TRDN: variants seen among roughly 807,000 people sequenced by gnomAD.
TRDN encodes the protein triadin.
In TRDN, 161 loss-of-function variants were observed where a neutral mutation model predicts 149.7. The ratio of observed to expected loss-of-function variants is 1.08; its 90% CI spans 0.95 to 1.23. The LOEUF (loss-of-function observed/expected upper bound fraction) is 1.23, where lower values mean the gene tolerates loss of function less well. Ranked by LOEUF, TRDN falls within the 50% of genes most tolerant of loss-of-function variation. TRDN has a pLI of 0.00. For missense variants in TRDN, 896 were observed against 823.5 expected (o/e 1.09, Z -1.08); for synonymous variants, 294 against 250.5 (o/e 1.17, Z -1.64).
chr6:123,255,215 T>G lies in TRDN; in HGVS notation c.1907-90A>C, dbSNP rs1165576108. The G allele has an allele frequency of 1.1e-5, 6 of 555,366 alleles. No homozygotes were observed. In the East Asian group the frequency reaches 2.1e-4, roughly 19 times the overall value. The allele number at this position is 555,366 out of a possible 1,614,324, so 34.4% of individuals were successfully genotyped here. A position where few individuals can be genotyped will look rare whatever the true frequency, so the allele number is the denominator to read the frequency against. Reference sequence around the variant, plus strand: ...TCTCACATCAACGAATGAGGATAATTTAAGTGTTATAAATATTTTCTCAAG... The same window carrying G: ...TCTCACATCAACGAATGAGGATAATGTAAGTGTTATAAATATTTTCTCAAG... On this transcript the variant is annotated intron_variant, in intron 36 of 40. Coordinates refer to ENST00000334268, the MANE Select transcript of TRDN (RefSeq NM_006073.4).
intron 12 of TRDN, among the ~76,000 whole-genome samples, chr6:123,424,613 A>T (rs1774041255): frequency 6.6e-6 from 1 of 152,294 alleles, no homozygotes; most frequent in South Asian, 2.1e-4. Flanking sequence ...TGAAATCTAA[A>T]TGCTGAAACC....
At chr6:123,340,795 A>G (rs1019704386) in intron 21 of TRDN, among the ~76,000 whole-genome samples, 1 of 152,034 alleles carries the variant, frequency 6.6e-6, no homozygotes, top group Non-Finnish European at 1.5e-5. Context: ...AAGTGAAACG[A>G]TATCTGATAA....
intron 29 of TRDN, among the ~76,000 whole-genome samples, chr6:123,272,717 T>C (rs1013568667): frequency 2.0e-5 from 3 of 151,930 alleles, no homozygotes; most frequent in African/African-American, 7.2e-5. Flanking sequence ...TGGGTGACTA[T>C]GGTTTTTGTG....
At chr6:123,284,087 C>CT (rs1002044626) in intron 24 of TRDN, among the ~76,000 whole-genome samples, 1 of 130,654 alleles carries the variant, frequency 7.7e-6, no homozygotes, top group African/African-American at 2.9e-5. Flanking sequence ...CTCTTGCCCC[C>CT]CCCCCAAAAA....
At chr6:123,413,896 C>G (rs2114520809) in intron 12 of TRDN, among the ~76,000 whole-genome samples, 1 of 152,142 alleles carries the variant, frequency 6.6e-6, no homozygotes, top group South Asian at 2.1e-4. Flanking sequence ...GGATGAAGCC[C>G]CCTACTCACC....
At chr6:123,552,893 T>C (rs60704585) in intron 2 of TRDN, among the ~76,000 whole-genome samples, 77,146 of 151,896 alleles carry the variant, frequency 0.51, 20,346 homozygotes, top group East Asian at 0.91. Context: ...AGACCTCAAC[T>C]TTCCAGTGCC....
At chr6:123,341,346 T>C (rs1780056977) in intron 21 of TRDN, among the ~76,000 whole-genome samples, 1 of 151,952 alleles carries the variant, frequency 6.6e-6, no homozygotes, top group Non-Finnish European at 1.5e-5. Context: ...TGTATTCTAT[T>C]GGGCTAAAGA....
intron 29 of TRDN, among the ~76,000 whole-genome samples, chr6:123,271,812 T>A (rs929603487): frequency 6.6e-6 from 1 of 152,066 alleles, no homozygotes; most frequent in African/African-American, 2.4e-5. Context: ...AAAGTTTCAC[T>A]GGATAACAGA....
intron 24 of TRDN, among the ~76,000 whole-genome samples, chr6:123,291,969 C>A (rs961106320): frequency 3.3e-5 from 5 of 152,074 alleles, no homozygotes; most frequent in Non-Finnish European, 7.4e-5. Context: ...GTGTTTCCTC[C>A]AAATACAGCT....
At chr6:123,405,774 G>A (rs1773169480) in intron 12 of TRDN, among the ~76,000 whole-genome samples, 2 of 151,940 alleles carry the variant, frequency 1.3e-5, no homozygotes, top group South Asian at 4.2e-4. Flanking sequence ...AATCAAAGGA[G>A]GAATATACCT....
At chr6:123,588,228 T>C (rs921393896) in intron 1 of TRDN, among the ~76,000 whole-genome samples, 3 of 152,192 alleles carry the variant, frequency 2.0e-5, no homozygotes, top group Admixed American at 6.5e-5. Flanking sequence ...ATGTCAAATA[T>C]ATTTTGGGGT....
intron 21 of TRDN, among the ~76,000 whole-genome samples, chr6:123,343,406 A>G (rs1331399264): frequency 1.3e-5 from 2 of 151,992 alleles, no homozygotes; most frequent in Admixed American, 6.6e-5. Context: ...TGGGATCTCA[A>G]GAATCATTCT....
At chr6:123,425,815 A>C (rs754826842) in intron 12 of TRDN, among the ~76,000 whole-genome samples, 2 of 152,134 alleles carry the variant, frequency 1.3e-5, no homozygotes, top group Non-Finnish European at 2.9e-5. Flanking sequence ...CTGAGAAATC[A>C]GGCAGCAACC....
chr6:123,506,313 C>T (rs1778919898), intron 7 of TRDN, among the ~76,000 whole-genome samples: 1 of 152,136 alleles, frequency 6.6e-6, no homozygotes, highest in Non-Finnish European at 1.5e-5. Context: ...TGGCTTCCTC[C>T]TATCTCCCAT....
rs541200046 is a variant in TRDN, at chr6:123,467,086, C to T, written c.854-2103G>A. ...TTGCATACTTATTATATACCAGCACCAAAGAATTATTAAACCCCAACCCTG... is the reference window on the plus strand; with the variant it reads ...TTGCATACTTATTATATACCAGCACTAAAGAATTATTAAACCCCAACCCTG... On this transcript the variant is annotated intron_variant, in intron 9 of 40. Coordinates refer to ENST00000334268, the MANE Select transcript of TRDN (RefSeq NM_006073.4). Among the ~76,000 whole-genome samples the T allele has an allele frequency of 7.9e-5, 12 of 151,648 alleles. No homozygotes were observed. The East Asian group carries it at 9.7e-4, about 12-fold the overall frequency.
intron 4 of TRDN, 43 bp from the exon 5 acceptor site, chr6:123,530,608 T>C: frequency 9.0e-7 from 1 of 1,111,930 alleles, no homozygotes; most frequent in Non-Finnish European, 1.2e-6. Flanking sequence ...TCTGAAAATG[T>C]ATAAAATTTA....
At chr6:123,537,960 T>C (rs947675840) in intron 4 of TRDN, among the ~76,000 whole-genome samples, 2 of 152,242 alleles carry the variant, frequency 1.3e-5, no homozygotes, top group Non-Finnish European at 2.9e-5. Context: ...GTTTAAAGCA[T>C]GCAATTTTTC....
chr6:123,323,604 T>C (rs1344744052), intron 23 of TRDN, among the ~76,000 whole-genome samples: 1 of 152,192 alleles, frequency 6.6e-6, no homozygotes, highest in Non-Finnish European at 1.5e-5. Context: ...TCTGCAATCC[T>C]TCCTTGGCAA....
chr6:123,599,592 A>ATT (rs988902930), intron 1 of TRDN, among the ~76,000 whole-genome samples: 7 of 149,062 alleles, frequency 4.7e-5, no homozygotes, highest in African/African-American at 1.7e-4. Flanking sequence ...ATTTGGTGCT[A>ATT]TTTTTTTTTT....
Sources: allele counts gnomAD v4.1 joint callset (sites outside exome capture counted in the v4.1 genomes callset), GRCh38; gene constraint gnomAD v4.1.1; transcripts MANE v1.5; gene names NCBI Gene and HGNC (gene_info 2026-07-23, HGNC 2026-07-21).